Variants in CCDC50 observed in about 807,000 individuals in gnomAD.
CCDC50 encodes the protein coiled-coil domain containing 50.
CCDC50 carries 54 observed loss-of-function variants against 70.2 expected under a neutral mutation model. The observed-to-expected ratio is 0.77, with a 90% CI of 0.62 to 0.96. The LOEUF (loss-of-function observed/expected upper bound fraction) is 0.96. Ranked by LOEUF, CCDC50 falls within the 50% of genes least tolerant of loss-of-function variation. The pLI, the probability that CCDC50 is intolerant of heterozygous loss-of-function variation, is 0.00. For missense variants in CCDC50, 558 were observed against 578.7 expected (o/e 0.96, Z 0.37); for synonymous variants, 216 against 198.8 (o/e 1.09, Z -0.73).
intron 1 of CCDC50, among the ~76,000 whole-genome samples, chr3:191,337,666 A>T (rs550391728): frequency 6.6e-6 from 1 of 152,128 alleles, no homozygotes; most frequent in African/African-American, 2.4e-5. Context: ...AGAAAAAAAA[A>T]TTACACTCCG....
chr3:191,380,269 C>T lies in CCDC50; in HGVS notation c.1087C>T (p.Leu363Phe), dbSNP rs757322274. 3 of 1,607,060 alleles carry T rather than the reference C, an allele frequency of 1.9e-6. No homozygotes were observed. The highest frequency in any genetic ancestry group is 2.2e-5 in the South Asian group (2 of 90,906). The change falls in exon 7 of 12, where the codon CTT (leucine) becomes TTT (phenylalanine). Residue 363 changes from leucine to phenylalanine, a missense_variant. Coordinates refer to ENST00000392455, the MANE Select transcript of CCDC50 (RefSeq NM_178335.3). The part of the protein sequence containing the change: ...EIARKLQEEE[L>F]LATQVDMRAA... ...TGCCAGAAAACTGCAAGAAGAAGAA[C>T]TTTTGGTGAGCAAATTTTAAGGCAA...
chr3:191,350,672 G>A (rs1560159196), intron 1 of CCDC50, among the ~76,000 whole-genome samples: 1 of 141,866 alleles, frequency 7.0e-6, no homozygotes, highest in Admixed American at 7.2e-5. Flanking sequence ...ACGTGTAGCC[G>A]TTCATGGAAT....
rs1439474514 is a variant in CCDC50 at position 191,393,254 on chromosome 3, C to CAT, written c.*1503_*1504dup. On this transcript the variant is annotated 3_prime_UTR_variant, in exon 12 of 12. Transcript: ENST00000392455. Reference sequence around the variant, plus strand: ...TCTCTCTGTCTCCCCCCCATGTACACATATATATATCCCTTCAGCTTGACT... The same window carrying CAT: ...TCTCTCTGTCTCCCCCCCATGTACACATATATATATATCCCTTCAGCTTGACT... 3 of 152,058 alleles carry CAT rather than the reference C, an allele frequency of 2.0e-5. No homozygotes were observed. Among genetic ancestry groups the CAT allele is most frequent in the African/African-American group, 7.3e-5 (3 of 41,376 alleles). The allele number at this position is 152,058 out of a possible 1,614,324, so 9.4% of individuals were successfully genotyped here. A position where few individuals can be genotyped will look rare whatever the true frequency, so the allele number is the denominator to read the frequency against.
chr3:191,346,807 A>G (rs1292436480), intron 1 of CCDC50, among the ~76,000 whole-genome samples: 1 of 152,204 alleles, frequency 6.6e-6, no homozygotes, highest in Non-Finnish European at 1.5e-5. Context: ...AGGAGTCCAG[A>G]TGATTGCTTG....
At chr3:191,339,229 G>A (rs1339622893) in intron 1 of CCDC50, among the ~76,000 whole-genome samples, 1 of 152,118 alleles carries the variant, frequency 6.6e-6, no homozygotes, top group African/African-American at 2.4e-5. Context: ...CTTTGGGGAT[G>A]ATATGTTCAA....
At position 191,395,156 on chromosome 3, in the gene CCDC50, C is replaced by G; in HGVS notation, c.*3396C>G. The G allele has an allele frequency of 2.0e-5, 1 of 50,528 alleles. No homozygotes were observed. The highest frequency in any genetic ancestry group is 3.6e-5 in the Non-Finnish European group (1 of 27,638). 3.1% of individuals were successfully genotyped at this position (50,528 alleles called of 1,614,324 possible). ...CCTTGGGCTTTGTGTTTACTGAACT[C>G]ACTCTAGAAAATTCTGGACCTGATT... On this transcript the variant is annotated 3_prime_UTR_variant, in exon 12 of 12. Coordinates refer to ENST00000392455, the MANE Select transcript of CCDC50 (RefSeq NM_178335.3).
intron 1 of CCDC50, among the ~76,000 whole-genome samples, chr3:191,356,556 G>T (rs1268497514): frequency 1.3e-5 from 2 of 152,206 alleles, no homozygotes; most frequent in Admixed American, 6.5e-5. Context: ...TTTTAAAGTA[G>T]AGCTCTGCCC....
rs1711981754 is a variant in CCDC50 at position 191,348,005 on chromosome 3, C to T, written c.50-9083C>T. Among the ~76,000 whole-genome samples, 3 of 142,334 alleles carry T rather than the reference C, an allele frequency of 2.1e-5. 1 individual carries two copies. Among genetic ancestry groups the T allele is most frequent in the South Asian group, 2.2e-4 (1 of 4,564 alleles). 93.4% of individuals were successfully genotyped at this position (142,334 alleles called of 152,430 possible). Reference sequence around the variant, plus strand: ...GATCCATAATATTTTTCTTGCCTTTCAGGATCTAGAATATATGCTGGGGAA... The same window carrying T: ...GATCCATAATATTTTTCTTGCCTTTTAGGATCTAGAATATATGCTGGGGAA... On this transcript the variant is annotated intron_variant, in intron 1 of 11. Transcript: ENST00000392455.
chr3:191,391,931 T>G lies in CCDC50; in HGVS notation c.*171T>G. The G allele has an allele frequency of 1.5e-6, 1 of 667,542 alleles. No individual in the cohort carries two copies. Among genetic ancestry groups the G allele is most frequent in the Non-Finnish European group, 2.6e-6 (1 of 382,280 alleles). 41.4% of individuals were successfully genotyped at this position (667,542 alleles called of 1,614,324 possible). A position where few individuals can be genotyped will look rare whatever the true frequency, so the allele number is the denominator to read the frequency against. ...AATTCATTTCAAATGTTTTGGTTAT[T>G]CATGATCACTTGGGCAGTATAAGAA... On this transcript the variant is annotated 3_prime_UTR_variant, in exon 12 of 12. Transcript: ENST00000392455.
intron 5 of CCDC50, among the ~76,000 whole-genome samples, chr3:191,373,469 A>G (rs1172730996): frequency 1.1e-4 from 16 of 152,092 alleles, no homozygotes; most frequent in African/African-American, 2.4e-5. Context: ...CTTTTTGTTT[A>G]TTTTGAGCTG....
At chr3:191,381,764 A>G (rs189631083) in intron 9 of CCDC50, among the ~76,000 whole-genome samples, 172 of 152,222 alleles carry the variant, frequency 1.1e-3, no homozygotes, top group Admixed American at 1.7e-3. Context: ...GCCCAGAAGA[A>G]TGAAACCTAG....
intron 1 of CCDC50, among the ~76,000 whole-genome samples, chr3:191,332,226 A>T (rs145599324): frequency 6.6e-6 from 1 of 152,194 alleles, no homozygotes; most frequent in Non-Finnish European, 1.5e-5. Flanking sequence ...CTAGGTTGAA[A>T]TCTAATGCTT....
intron 1 of CCDC50, among the ~76,000 whole-genome samples, chr3:191,342,832 G>T (rs1283410153): frequency 6.6e-6 from 1 of 152,182 alleles, no homozygotes; most frequent in African/African-American, 2.4e-5. Context: ...TGAAAAAATT[G>T]TCTACTACTG....
chr3:191,381,273 C>A (rs1576973040), intron 9 of CCDC50, among the ~76,000 whole-genome samples: 1 of 152,158 alleles, frequency 6.6e-6, no homozygotes, highest in Non-Finnish European at 1.5e-5. Flanking sequence ...ATATTTTCCA[C>A]AATGAACTTC....
At chr3:191,344,897 T>G (rs1711858311) in intron 1 of CCDC50, among the ~76,000 whole-genome samples, 1 of 152,164 alleles carries the variant, frequency 6.6e-6, no homozygotes, top group African/African-American at 2.4e-5. Flanking sequence ...AATTCTAATA[T>G]ATGTCCCATT....
chr3:191,340,359 A>T (rs1576949069), intron 1 of CCDC50, among the ~76,000 whole-genome samples: 1 of 152,254 alleles, frequency 6.6e-6, no homozygotes, highest in African/African-American at 2.4e-5. Flanking sequence ...ATCTATATTT[A>T]TTACATTTCA....
intron 1 of CCDC50, among the ~76,000 whole-genome samples, chr3:191,332,491 A>G (rs1718024624): frequency 6.6e-6 from 1 of 152,234 alleles, no homozygotes; most frequent in Non-Finnish European, 1.5e-5. Context: ...TGTTGCCAAT[A>G]TTCAGGAATA....
intron 1 of CCDC50, among the ~76,000 whole-genome samples, chr3:191,355,994 T>C (rs965398112): frequency 6.6e-6 from 1 of 152,208 alleles, no homozygotes; most frequent in African/African-American, 2.4e-5. Context: ...CGTTTTTCAT[T>C]CTGTTTCAGT....
At chr3:191,358,149 G>A (rs750878964) in intron 3 of CCDC50, 25 bp downstream of exon 3, 10 of 1,613,580 alleles carry the variant, frequency 6.2e-6, no homozygotes, top group Non-Finnish European at 8.5e-6. Context: ...GGTGGGAGGG[G>A]TGATGCAAGA....
Sources: allele counts gnomAD v4.1 joint callset (sites outside exome capture counted in the v4.1 genomes callset), GRCh38; gene constraint gnomAD v4.1.1; transcripts MANE v1.5; gene names NCBI Gene and HGNC (gene_info 2026-07-23, HGNC 2026-07-21).